Variants in GRID2 observed in about 807,000 individuals in gnomAD.
GRID2 encodes the protein glutamate receptor ionotropic, delta-2.
GRID2 carries 33 observed loss-of-function variants against 114.8 expected under a neutral mutation model. The observed-to-expected ratio is 0.29, with a 90% CI of 0.22 to 0.38. The LOEUF is 0.38. Ranked by LOEUF, GRID2 falls within the 10% of genes least tolerant of loss-of-function variation. GRID2 has a pLI of 1.00. For missense variants in GRID2, 1,184 were observed against 1,257.7 expected (o/e 0.94, Z 0.89); for synonymous variants, 505 against 449.9 (o/e 1.12, Z -1.55).
chr4:93,390,431 CT>C (rs1218721397), intron 8 of GRID2, among the ~76,000 whole-genome samples: 5 of 152,170 alleles, frequency 3.3e-5, no homozygotes, highest in Non-Finnish European at 5.9e-5. Flanking sequence ...GTCATGAACA[CT>C]TCTAAACACT....
intron 9 of GRID2, among the ~76,000 whole-genome samples, chr4:93,399,680 A>G (rs1765694048): frequency 6.6e-6 from 1 of 152,102 alleles, no homozygotes; most frequent in African/African-American, 2.4e-5. Flanking sequence ...CAGAAAAAGA[A>G]AGAGAATCAC....
chr4:93,638,301 C>CTTTTTTTTTTTTTTTTTTTTT (rs1184003180), intron 14 of GRID2, among the ~76,000 whole-genome samples: 5 of 77,308 alleles, frequency 6.5e-5, no homozygotes, highest in East Asian at 2.4e-4. Context: ...AAACTTGCAT[C>CTTTTTTTTTTTTTTTTTTTTT]TTTTTTTTTT....
intron 2 of GRID2, among the ~76,000 whole-genome samples, chr4:92,980,764 A>G (rs890588936): frequency 6.6e-6 from 1 of 152,142 alleles, no homozygotes; most frequent in Non-Finnish European, 1.5e-5. Context: ...AATGTAGAAA[A>G]GCATTGAAAC....
chr4:93,178,453 G>C (rs1739571276), intron 4 of GRID2, among the ~76,000 whole-genome samples: 1 of 117,446 alleles, frequency 8.5e-6, no homozygotes, highest in South Asian at 2.9e-4. Context: ...CTGGAGTACA[G>C]TGATGCAATC....
chr4:92,600,044 G>GTGTGTGTGTGTATA (rs1206780169), intron 2 of GRID2, among the ~76,000 whole-genome samples: 1 of 54,456 alleles, frequency 1.8e-5, no homozygotes, highest in African/African-American at 6.8e-5. Context: ...GTGTGTGTGT[G>GTGTGTGTGTGTATA]TATATATATA....
chr4:92,901,214 T>C (rs1747559399), intron 2 of GRID2, among the ~76,000 whole-genome samples: 1 of 152,234 alleles, frequency 6.6e-6, no homozygotes, highest in African/African-American at 2.4e-5. Flanking sequence ...GCATTCACTT[T>C]TCTCCACATC....
chr4:92,733,751 G>A (rs1736445931), intron 2 of GRID2, among the ~76,000 whole-genome samples: 5 of 152,064 alleles, frequency 3.3e-5, no homozygotes, highest in Admixed American at 3.3e-4. Context: ...TCAAGTGTAA[G>A]ATCCTGGGGG....
chr4:93,426,788 T>C (rs1458241555), intron 10 of GRID2, among the ~76,000 whole-genome samples: 2 of 152,098 alleles, frequency 1.3e-5, no homozygotes, highest in East Asian at 3.8e-4. Flanking sequence ...GGAGTCCTTT[T>C]GCAAATAAAA....
chr4:92,514,956 T>C (rs1724432286), intron 1 of GRID2, among the ~76,000 whole-genome samples: 3 of 151,858 alleles, frequency 2.0e-5, no homozygotes, highest in African/African-American at 7.2e-5. Context: ...TATTTCTTCT[T>C]CTTACCTTTT....
At chr4:93,628,767 C>CTT (rs377083909) in intron 14 of GRID2, among the ~76,000 whole-genome samples, 5,401 of 136,890 alleles carry the variant, frequency 0.039, 217 homozygotes, top group African/African-American at 0.088. Context: ...GATTTTCTGG[C>CTT]TTTTTTTTTT....
intron 8 of GRID2, among the ~76,000 whole-genome samples, chr4:93,275,753 C>T (rs556469288): frequency 1.3e-5 from 2 of 151,834 alleles, no homozygotes; most frequent in South Asian, 2.1e-4. Context: ...GCTCGTTGGC[C>T]ATTTATAGAT....
chr4:93,281,611 A>C (rs969963432), intron 8 of GRID2, among the ~76,000 whole-genome samples: 5 of 152,046 alleles, frequency 3.3e-5, no homozygotes, highest in Non-Finnish European at 5.9e-5. Flanking sequence ...ATCTTAGAGA[A>C]TTGGAAGTTT....
chr4:93,191,618 A>G (rs983504817), intron 4 of GRID2, among the ~76,000 whole-genome samples: 1 of 152,128 alleles, frequency 6.6e-6, no homozygotes, highest in African/African-American at 2.4e-5. Context: ...TTTAAAAAAA[A>G]TCTTACCTTT....
In GRID2 at chr4:93,515,357, C is replaced by T. The variant is rs939118964; in HGVS notation, c.2139C>T (p.Asn713=). ...ATTCCCAAATGTGGCGGATGATCAA[C>T]CGAAGCAATGGATCGGAGAACAATG... ...SMYSQMWRMI[N]RSNGSENNVL... The change falls in exon 13 of 16, where the codon AAC becomes AAT. Residue 713 remains asparagine, a synonymous_variant. Transcript: ENST00000282020. 3.1e-6 allele frequency: 5 copies of T among 1,613,148 alleles called. No individual in the cohort carries two copies. The highest frequency in any genetic ancestry group is 4.2e-6 in the Non-Finnish European group (5 of 1,179,312).
At chr4:93,463,968 G>C (rs528356022) in intron 11 of GRID2, among the ~76,000 whole-genome samples, 6 of 151,920 alleles carry the variant, frequency 3.9e-5, no homozygotes, top group Admixed American at 6.6e-5. Flanking sequence ...CAGCCTGGGC[G>C]ACACAGCAAG....
chr4:93,555,807 C>T (rs1734261979), intron 13 of GRID2, among the ~76,000 whole-genome samples: 1 of 152,174 alleles, frequency 6.6e-6, no homozygotes, highest in African/African-American at 2.4e-5. Context: ...GTGCCTCCTG[C>T]CTGGGAGACA....
intron 8 of GRID2, among the ~76,000 whole-genome samples, chr4:93,375,995 C>A (rs1763341982): frequency 6.6e-6 from 1 of 152,088 alleles, no homozygotes; most frequent in Non-Finnish European, 1.5e-5. Flanking sequence ...GCCAACTTTT[C>A]CCTGTGTCCT....
chr4:93,030,281 C>T (rs1724278473), intron 2 of GRID2, among the ~76,000 whole-genome samples: 1 of 151,930 alleles, frequency 6.6e-6, no homozygotes, highest in Admixed American at 6.6e-5. Flanking sequence ...TCCTTTCTGT[C>T]TTCCTAAAAG....
At chr4:93,455,639 T>C in intron 10 of GRID2, 23 bp from the exon 11 acceptor site, 1 of 1,541,452 alleles carries the variant, frequency 6.5e-7, no homozygotes, top group Non-Finnish European at 9.0e-7. Flanking sequence ...GTTAATGTAT[T>C]CCTTTCTCTT....
Sources: gnomAD v4.1 joint callset for allele counts (sites outside exome capture counted in the v4.1 genomes callset) on GRCh38, gnomAD v4.1.1 for gene constraint, MANE v1.5 for transcripts, NCBI Gene and HGNC (gene_info 2026-07-23, HGNC 2026-07-21) for gene names.